Variants in AFG1L observed in about 807,000 individuals in gnomAD.
AFG1L encodes the protein AFG1 like ATPase.
In AFG1L, 53 loss-of-function variants were observed where a neutral mutation model predicts 62.2. The observed-to-expected ratio is 0.85, with a 90% CI of 0.68 to 1.07. AFG1L has a LOEUF of 1.07. AFG1L is among the 50% of genes least tolerant of loss of function. The pLI is 0.00. For synonymous variants in AFG1L, 228 were observed against 210.3 expected (o/e 1.08, Z -0.73); for missense variants, 555 against 590.5 (o/e 0.94, Z 0.62).
intron 2 of AFG1L, among the ~76,000 whole-genome samples, chr6:108,334,960 AC>A (rs1464496175): frequency 2.7e-5 from 4 of 150,618 alleles, no homozygotes; most frequent in African/African-American, 9.8e-5. Flanking sequence ...CTGCTTGGTG[AC>A]CACATGCTCC....
At position 108,367,296 on chromosome 6, in the gene AFG1L, G is replaced by A. The variant is rs539623994; in HGVS notation, c.748+964G>A. Among the ~76,000 whole-genome samples, 3 of 152,230 alleles carry A rather than the reference G, an allele frequency of 2.0e-5. No homozygotes were observed. The South Asian group carries it at 6.2e-4, about 32-fold the overall frequency. On this transcript the variant is annotated intron_variant, in intron 6 of 12. Transcript: ENST00000368977. ...GTAAATAGTCTTAGAATGAACATTGGATGATTGCATGTTTTAAAAAGATCT... is the reference window on the plus strand; with the variant it reads ...GTAAATAGTCTTAGAATGAACATTGAATGATTGCATGTTTTAAAAAGATCT...
At chr6:108,462,109 A>G (rs528587153) in intron 8 of AFG1L, among the ~76,000 whole-genome samples, 1 of 152,112 alleles carries the variant, frequency 6.6e-6, no homozygotes, top group African/African-American at 2.4e-5. Context: ...AAAGAAAAAA[A>G]AATCACAAAA....
chr6:108,399,125 T>C (rs899948067), intron 6 of AFG1L, among the ~76,000 whole-genome samples: 1 of 151,858 alleles, frequency 6.6e-6, no homozygotes, highest in African/African-American at 2.4e-5. Context: ...CTTTAATTTC[T>C]TTCATCAGTG....
At chr6:108,500,176 G>GTGTA (rs1774135526) in intron 10 of AFG1L, among the ~76,000 whole-genome samples, 2 of 140,252 alleles carry the variant, frequency 1.4e-5, no homozygotes, top group Admixed American at 1.4e-4. Context: ...GCGTGCGTGT[G>GTGTA]TGTGTGTGTG....
intron 3 of AFG1L, among the ~76,000 whole-genome samples, chr6:108,351,406 T>C (rs940466493): frequency 1.3e-5 from 2 of 152,254 alleles, no homozygotes; most frequent in African/African-American, 4.8e-5. Flanking sequence ...GGTGGATTTT[T>C]TGATGACCTT....
intron 6 of AFG1L, among the ~76,000 whole-genome samples, chr6:108,389,957 A>G (rs973114514): frequency 6.6e-5 from 10 of 152,204 alleles, no homozygotes; most frequent in African/African-American, 2.4e-4. Context: ...CTCCTGGATA[A>G]TATCCTGAAG....
chr6:108,446,086 ACACACACACACACACACC>A (rs1410944811), intron 7 of AFG1L, among the ~76,000 whole-genome samples: 1 of 103,466 alleles, frequency 9.7e-6, no homozygotes, highest in Non-Finnish European at 2.4e-5. Flanking sequence ...ACACACACAC[ACACACACACACACACACC>A]CCTACATATA....
intron 10 of AFG1L, among the ~76,000 whole-genome samples, chr6:108,505,936 T>C (rs573422648): frequency 6.6e-6 from 1 of 152,340 alleles, no homozygotes; most frequent in South Asian, 2.1e-4. Flanking sequence ...CTTGATATTG[T>C]CTGACATTTA....
chr6:108,392,063 A>G (rs932578545), intron 6 of AFG1L: 10 of 152,212 alleles, frequency 6.6e-5, no homozygotes, highest in East Asian at 3.8e-4. Flanking sequence ...AGTATAAGAA[A>G]ATGATTGCTG....
At chr6:108,433,454 A>G (rs1237265306) in intron 7 of AFG1L, among the ~76,000 whole-genome samples, 1 of 146,310 alleles carries the variant, frequency 6.8e-6, no homozygotes. Flanking sequence ...TAATTTTTGT[A>G]TTTTTTTTTT....
rs1035076758 is a variant in AFG1L, at chr6:108,365,489, TTTG to T, written c.649-741_649-739del. On this transcript the variant is annotated intron_variant, in intron 5 of 12. Coordinates refer to ENST00000368977, the MANE Select transcript of AFG1L (RefSeq NM_145315.5). ...TAGCCATTCTTGAAAGGTGGTTTTT[TTTG>T]TTTTTTTTTTTTTTGGTAGAAGGAA... Among the ~76,000 whole-genome samples the T allele has an allele frequency of 6.4e-5, 6 of 94,288 alleles. 1 individual carries two copies. The highest frequency in any genetic ancestry group is 1.0e-4 in the Non-Finnish European group (5 of 49,180). The allele number at this position is 94,288 out of a possible 152,430, so 61.9% of individuals were successfully genotyped here.
chr6:108,424,504 G>T (rs1770730975), intron 7 of AFG1L, among the ~76,000 whole-genome samples: 1 of 151,978 alleles, frequency 6.6e-6, no homozygotes, highest in Admixed American at 6.6e-5. Context: ...AGTCATTGGG[G>T]TTACAATGAT....
At chr6:108,369,256 A>G (rs998087725) in intron 6 of AFG1L, among the ~76,000 whole-genome samples, 4 of 152,294 alleles carry the variant, frequency 2.6e-5, no homozygotes, top group African/African-American at 9.6e-5. Context: ...GGGCAGGCTC[A>G]GGATGCAACT....
At chr6:108,384,042 A>C (rs1376270320) in intron 6 of AFG1L, among the ~76,000 whole-genome samples, 1 of 145,828 alleles carries the variant, frequency 6.9e-6, no homozygotes, top group African/African-American at 2.6e-5. Flanking sequence ...CTACACAACT[A>C]TGTGAAGGTC....
chr6:108,440,817 T>G (rs1261033877), intron 7 of AFG1L, among the ~76,000 whole-genome samples: 1 of 117,466 alleles, frequency 8.5e-6, no homozygotes, highest in Non-Finnish European at 1.8e-5. Context: ...TGAGACTCCA[T>G]CTCAAAAAAA....
intron 10 of AFG1L, among the ~76,000 whole-genome samples, chr6:108,498,049 G>A (rs191646376): frequency 1.6e-4 from 24 of 152,310 alleles, no homozygotes; most frequent in Admixed American, 5.2e-4. Flanking sequence ...CCAGCTGGCT[G>A]TATGCAGCCT....
At chr6:108,499,358 C>A (rs1774097204) in intron 10 of AFG1L, among the ~76,000 whole-genome samples, 1 of 151,914 alleles carries the variant, frequency 6.6e-6, no homozygotes. Flanking sequence ...TATAAGCCAC[C>A]ATGCCCAGCC....
At chr6:108,501,287 C>G (rs6927895) in intron 10 of AFG1L, among the ~76,000 whole-genome samples, 1,765 of 152,324 alleles carry the variant, frequency 0.012, 48 homozygotes, top group African/African-American at 0.041. Context: ...GCCACCGCAC[C>G]TGGCCGAAGA....
intron 8 of AFG1L, among the ~76,000 whole-genome samples, chr6:108,455,377 CCTT>C (rs1187500792): frequency 6.6e-6 from 1 of 151,998 alleles, no homozygotes; most frequent in Non-Finnish European, 1.5e-5. Flanking sequence ...AAAAAGATAG[CCTT>C]CTCTGTTTTT....
Sources: allele counts gnomAD v4.1 joint callset (sites outside exome capture counted in the v4.1 genomes callset), GRCh38; gene constraint gnomAD v4.1.1; transcripts MANE v1.5; gene names NCBI Gene and HGNC (gene_info 2026-07-23, HGNC 2026-07-21).